The following MYT1L variants were observed in gnomAD, a reference collection of about 807,000 sequenced individuals.
MYT1L encodes myelin transcription factor 1 like.
A neutral mutation model predicts 126.7 loss-of-function variants in MYT1L; 12 were observed. The ratio of observed to expected loss-of-function variants is 0.09; its 90% CI spans 0.06 to 0.15. The LOEUF (loss-of-function observed/expected upper bound fraction) is 0.15, where lower values mean the gene tolerates loss of function less well. Ranked by LOEUF, MYT1L falls within the 10% of genes least tolerant of loss-of-function variation. The pLI, the probability that MYT1L is intolerant of heterozygous loss-of-function variation, is 1.00. For missense variants in MYT1L, 979 were observed against 1,585.2 expected, an observed-to-expected ratio of 0.62 and a Z score of 6.49; for synonymous variants, 541 against 604.2, an observed-to-expected ratio of 0.90 and a Z score of 1.53.
chr2:2,114,195 C>T (rs571289598), intron 3 of MYT1L, among the ~76,000 whole-genome samples: 16 of 152,354 alleles, frequency 1.1e-4, no homozygotes, highest in African/African-American at 2.9e-4. Flanking sequence ...GATCATCTGA[C>T]CTTCAAAATG....
intron 3 of MYT1L, among the ~76,000 whole-genome samples, chr2:2,103,635 G>C (rs2078383277): frequency 1.3e-5 from 2 of 152,240 alleles, no homozygotes; most frequent in African/African-American, 2.4e-5. Context: ...GTGCAGAGGT[G>C]GGCTCTGCAG....
At chr2:2,117,914 T>C (rs2080438681) in intron 3 of MYT1L, among the ~76,000 whole-genome samples, 1 of 152,030 alleles carries the variant, frequency 6.6e-6, no homozygotes, top group African/African-American at 2.4e-5. Flanking sequence ...ATTTTTTTAA[T>C]GCATGTCATG....
At chr2:2,188,995 A>G (rs1412990413) in intron 2 of MYT1L, among the ~76,000 whole-genome samples, 1 of 152,140 alleles carries the variant, frequency 6.6e-6, no homozygotes, top group Non-Finnish European at 1.5e-5. Flanking sequence ...CAGGGAGAGG[A>G]AATTAATTTG....
At chr2:2,049,555 T>TATAG (rs112632625) in intron 4 of MYT1L, among the ~76,000 whole-genome samples, 1 of 152,200 alleles carries the variant, frequency 6.6e-6, no homozygotes, top group Non-Finnish European at 1.5e-5. Context: ...AAATTATGAA[T>TATAG]ATAGATAGAT....
intron 2 of MYT1L, among the ~76,000 whole-genome samples, chr2:2,256,423 C>G (rs2094815110): frequency 6.6e-6 from 1 of 152,228 alleles, no homozygotes; most frequent in Non-Finnish European, 1.5e-5. Context: ...AAAACACAAC[C>G]ATATCCTCAC....
intron 2 of MYT1L, among the ~76,000 whole-genome samples, chr2:2,267,496 G>A (rs1157853771): frequency 2.0e-5 from 3 of 152,152 alleles, no homozygotes; most frequent in Non-Finnish European, 2.9e-5. Flanking sequence ...CCATACTGGG[G>A]GAAATGAGGG....
chr2:2,027,426 G>A (rs545600233), intron 4 of MYT1L, among the ~76,000 whole-genome samples: 11 of 152,306 alleles, frequency 7.2e-5, no homozygotes, highest in Non-Finnish European at 1.0e-4. Flanking sequence ...TTCGGTTGGC[G>A]AAAGGCACAG....
intron 2 of MYT1L, among the ~76,000 whole-genome samples, chr2:2,205,006 G>A (rs1366455361): frequency 9.3e-5 from 14 of 150,592 alleles, no homozygotes; most frequent in South Asian, 6.4e-4. Context: ...GCAAACTAGC[G>A]CAAGGACAAA....
chr2:2,283,447 A>G (rs1398390050), intron 2 of MYT1L, among the ~76,000 whole-genome samples: 1 of 152,248 alleles, frequency 6.6e-6, no homozygotes, highest in Non-Finnish European at 1.5e-5. Context: ...AAAGTAAGAG[A>G]GTACAGAGAT....
chr2:2,229,274 G>T (rs1302436029), intron 2 of MYT1L, among the ~76,000 whole-genome samples: 2 of 151,752 alleles, frequency 1.3e-5, no homozygotes, highest in Non-Finnish European at 2.9e-5. Flanking sequence ...TTTTAAAAAA[G>T]CACAGGATCC....
rs577430557 is a variant in MYT1L at position 1,912,291 on chromosome 2, C to T, written c.1619-181G>A. ...GAGAAAGAAGGTTGACTGGACCCTA[C>T]GGACCCTACACGAAAGGCCAGAGAA... On this transcript the variant is annotated intron_variant, in intron 11 of 24. Coordinates refer to ENST00000647738, the MANE Select transcript of MYT1L (RefSeq NM_001303052.2). This position sits in a 1 kb window ranked among gnomAD's most constrained non-coding sequence, Gnocchi z 4.3. 1.2e-4 allele frequency among the ~76,000 whole-genome samples: 19 copies of T among 152,150 alleles called. No individual in the cohort carries two copies. Among genetic ancestry groups the T allele is most frequent in the Non-Finnish European group, 2.8e-4 (19 of 68,024 alleles).
intron 8 of MYT1L, among the ~76,000 whole-genome samples, chr2:1,947,841 T>C (rs935120957): frequency 2.0e-5 from 3 of 152,220 alleles, no homozygotes; most frequent in African/African-American, 7.2e-5. Flanking sequence ...AGGACAATAT[T>C]GGTATAATCC....
At chr2:2,214,183 T>C (rs565705607) in intron 2 of MYT1L, among the ~76,000 whole-genome samples, 1 of 151,754 alleles carries the variant, frequency 6.6e-6, no homozygotes, top group Non-Finnish European at 1.5e-5. Context: ...TATCAGTGAG[T>C]CATGGGACAA....
chr2:2,259,409 T>A (rs373271253), intron 2 of MYT1L, among the ~76,000 whole-genome samples: 4 of 143,690 alleles, frequency 2.8e-5, no homozygotes, highest in Non-Finnish European at 6.0e-5. Flanking sequence ...AAAAAAACAT[T>A]AAAAAAAAAA....
intron 2 of MYT1L, among the ~76,000 whole-genome samples, chr2:2,281,103 TG>T: frequency 6.6e-6 from 1 of 152,336 alleles, no homozygotes; most frequent in South Asian, 2.1e-4. Flanking sequence ...AATTGAATCA[TG>T]GGGGTGGTTA....
At chr2:1,928,049 G>T (rs2054469018) in intron 9 of MYT1L, among the ~76,000 whole-genome samples, 1 of 152,040 alleles carries the variant, frequency 6.6e-6, no homozygotes, top group Admixed American at 6.5e-5. Flanking sequence ...ATTCCCCCTG[G>T]CTCAAGTGAC....
chr2:1,840,987 TCCGCCTC>T, intron 19 of MYT1L, 144 bp from the exon 20 acceptor site: 3 of 588,554 alleles, frequency 5.1e-6, no homozygotes, highest in Non-Finnish European at 8.8e-6. Flanking sequence ...CACTGCAAGC[TCCGCCTC>T]CCGGGTTCAC....
intron 3 of MYT1L, among the ~76,000 whole-genome samples, chr2:2,073,339 C>T (rs946958434): frequency 6.6e-5 from 10 of 151,746 alleles, no homozygotes; most frequent in Non-Finnish European, 1.2e-4. Flanking sequence ...AGAAGGGCCA[C>T]CTAATTGCTC....
In MYT1L at chr2:2,085,300, C is replaced by T. The variant is rs543509411; in HGVS notation, c.-303-31177G>A. Among the ~76,000 whole-genome samples the T allele has an allele frequency of 2.0e-4, 31 of 152,260 alleles. No homozygotes were observed. In the South Asian group the frequency reaches 6.4e-3, roughly 32 times the overall value. On this transcript the variant is annotated intron_variant, in intron 3 of 24. Coordinates refer to ENST00000647738, the MANE Select transcript of MYT1L (RefSeq NM_001303052.2). The stretch of plus-strand genomic sequence containing the variant: ...CCTGCCCCAAATCCTCTAGAGACCC[C>T]CACTGTCTAAGCAGTTGAGTACACC...
Sources: gnomAD v4.1 joint callset for allele counts (sites outside exome capture counted in the v4.1 genomes callset) on GRCh38, gnomAD v4.1.1 for gene constraint, Gnocchi (gnomAD v3.1) non-coding constraint, MANE v1.5 for transcripts, NCBI Gene and HGNC (gene_info 2026-07-23, HGNC 2026-07-21) for gene names.